Variants in NEDD4L observed in about 807,000 individuals in gnomAD.
The protein encoded by NEDD4L is E3 ubiquitin-protein ligase NEDD4-like.
A neutral mutation model predicts 148.9 loss-of-function variants in NEDD4L; 54 were observed. The ratio of observed to expected loss-of-function variants is 0.36; its 90% CI spans 0.29 to 0.45. NEDD4L has a LOEUF of 0.45. Among genes scored for constraint, NEDD4L ranks in the 20% least tolerant of loss-of-function variants. The pLI, the probability that NEDD4L is intolerant of heterozygous loss-of-function variation, is 1.00. For synonymous variants in NEDD4L, 433 were observed against 440.7 expected (o/e 0.98, Z 0.22); for missense variants, 856 against 1,233.8 (o/e 0.69, Z 4.59).
chr18:58,385,113 G>A (rs536637772), intron 25 of NEDD4L, among the ~76,000 whole-genome samples: 2 of 152,300 alleles, frequency 1.3e-5, no homozygotes, highest in South Asian at 4.1e-4. Flanking sequence ...TTACAAATAT[G>A]TATACATATA....
At chr18:58,309,206 G>A (rs547332369) in intron 5 of NEDD4L, among the ~76,000 whole-genome samples, 4 of 152,240 alleles carry the variant, frequency 2.6e-5, no homozygotes, top group East Asian at 1.9e-4. Context: ...ACGGGGCCAC[G>A]CCTCATCAGT....
intron 19 of NEDD4L, among the ~76,000 whole-genome samples, chr18:58,359,246 G>A (rs1157505389): frequency 3.3e-5 from 5 of 151,856 alleles, no homozygotes; most frequent in African/African-American, 7.3e-5. Context: ...TCTCTCTCGC[G>A]ATATTTTATC....
At chr18:58,257,557 G>T (rs78136604) in intron 5 of NEDD4L, among the ~76,000 whole-genome samples, 1 of 152,132 alleles carries the variant, frequency 6.6e-6, no homozygotes, top group East Asian at 1.9e-4. Flanking sequence ...TGTCCAAGCC[G>T]AGGATGCTGT....
chr18:58,373,017 A>G, intron 23 of NEDD4L, 157 bp from the exon 24 acceptor site: 1 of 450,702 alleles, frequency 2.2e-6, no homozygotes, highest in Non-Finnish European at 3.9e-6. Flanking sequence ...TAGTTTAAAG[A>G]GGAAGGTTTG....
intron 1 of NEDD4L, among the ~76,000 whole-genome samples, chr18:58,116,779 T>A (rs471948): frequency 2.0e-4 from 30 of 152,244 alleles, no homozygotes; most frequent in East Asian, 9.7e-4. Context: ...ATGCCCACCC[T>A]GGTGAGTGCC....
intron 2 of NEDD4L, among the ~76,000 whole-genome samples, chr18:58,217,349 A>G (rs1247055136): frequency 1.3e-4 from 20 of 152,198 alleles, no homozygotes; most frequent in Admixed American, 1.3e-3. Context: ...CCTCTACTGT[A>G]GCTGGTTTTG....
At chr18:58,152,562 C>T (rs917782986) in intron 1 of NEDD4L, among the ~76,000 whole-genome samples, 1 of 152,144 alleles carries the variant, frequency 6.6e-6, no homozygotes, top group Non-Finnish European at 1.5e-5. Flanking sequence ...TCTTTCATTC[C>T]GTGATACTTG....
At chr18:58,098,053 A>G (rs2084529671) in intron 1 of NEDD4L, among the ~76,000 whole-genome samples, 1 of 152,146 alleles carries the variant, frequency 6.6e-6, no homozygotes, top group African/African-American at 2.4e-5. Context: ...AACAAAAACC[A>G]AAAGTATAGT....
chr18:58,315,311 C>T (rs1354683771), intron 5 of NEDD4L, among the ~76,000 whole-genome samples: 2 of 152,058 alleles, frequency 1.3e-5, no homozygotes, highest in Non-Finnish European at 2.9e-5. Flanking sequence ...TGAGAGGGGA[C>T]TGGTGCGTGG....
At chr18:58,098,743 A>T (rs1194560335) in intron 1 of NEDD4L, among the ~76,000 whole-genome samples, 1 of 152,142 alleles carries the variant, frequency 6.6e-6, no homozygotes, top group Non-Finnish European at 1.5e-5. Flanking sequence ...TTTATTCTAG[A>T]TTCCCTAAGA....
chr18:58,179,783 G>A (rs1004918336), intron 2 of NEDD4L, among the ~76,000 whole-genome samples: 14 of 151,726 alleles, frequency 9.2e-5, no homozygotes, highest in Admixed American at 3.9e-4. Flanking sequence ...AACAAGCTCG[G>A]GGCTCCTACT....
chr18:58,202,856 C>T (rs2041569731), intron 2 of NEDD4L, among the ~76,000 whole-genome samples: 1 of 152,204 alleles, frequency 6.6e-6, no homozygotes, highest in African/African-American at 2.4e-5. Flanking sequence ...TGCTAGTATA[C>T]ACACCACTAT....
chr18:58,050,239 G>C (rs2081802284), intron 1 of NEDD4L, among the ~76,000 whole-genome samples: 1 of 152,022 alleles, frequency 6.6e-6, no homozygotes, highest in Non-Finnish European at 1.5e-5. Context: ...GATCACTTGA[G>C]GTCAGGAGTT....
chr18:58,180,037 CTCTCT>C (rs1270914390), intron 2 of NEDD4L, among the ~76,000 whole-genome samples: 1 of 152,188 alleles, frequency 6.6e-6, no homozygotes, highest in Non-Finnish European at 1.5e-5. Context: ...CTGCCCTATT[CTCTCT>C]ATTCCTCCAC....
At chr18:58,134,821 G>A (rs2032647871) in intron 1 of NEDD4L, among the ~76,000 whole-genome samples, 1 of 148,782 alleles carries the variant, frequency 6.7e-6, no homozygotes, top group Admixed American at 6.7e-5. Context: ...TGAAGGGGAG[G>A]AACCTGGGAG....
intron 5 of NEDD4L, among the ~76,000 whole-genome samples, chr18:58,304,288 G>T (rs546618825): frequency 6.6e-6 from 1 of 151,454 alleles, no homozygotes; most frequent in African/African-American, 2.4e-5. Context: ...GGAAGCCGAG[G>T]TGGGAGGATC....
intron 1 of NEDD4L, among the ~76,000 whole-genome samples, chr18:58,103,507 TG>T (rs2084896319): frequency 6.6e-6 from 1 of 152,132 alleles, no homozygotes; most frequent in African/African-American, 2.4e-5. Context: ...TCAGAATCCG[TG>T]GCCAATCACA....
chr18:58,217,887 G>A (rs1208128608), intron 2 of NEDD4L, among the ~76,000 whole-genome samples: 2 of 152,008 alleles, frequency 1.3e-5, no homozygotes, highest in African/African-American at 4.8e-5. Flanking sequence ...CTATTTTATG[G>A]TAAGCATTTT....
At chr18:58,315,113 T>C (rs961122817) in intron 5 of NEDD4L, among the ~76,000 whole-genome samples, 24 of 152,174 alleles carry the variant, frequency 1.6e-4, no homozygotes, top group African/African-American at 5.5e-4. Context: ...ATTTTGAATG[T>C]GGTGGAACCA....
Sources: gnomAD v4.1 joint callset for allele counts (sites outside exome capture counted in the v4.1 genomes callset) on GRCh38, gnomAD v4.1.1 for gene constraint, MANE v1.5 for transcripts, NCBI Gene and HGNC (gene_info 2026-07-23, HGNC 2026-07-21) for gene names.